The following ADAMTSL2 variants were observed in gnomAD, a reference collection of about 807,000 sequenced individuals.
ADAMTSL2 encodes ADAMTS-like protein 2.
Under a neutral mutation model 117.0 loss-of-function variants are expected in ADAMTSL2, and 55 were observed. That is an observed-to-expected ratio of 0.47 (90% CI 0.38 to 0.59). ADAMTSL2 has a LOEUF of 0.59. ADAMTSL2 is among the 20% of genes least tolerant of loss of function. ADAMTSL2 has a pLI of 0.00. For synonymous variants in ADAMTSL2, 572 were observed against 566.4 expected (o/e 1.01, Z -0.14); for missense variants, 1,182 against 1,354.5 (o/e 0.87, Z 2.00).
chr9:133,535,217 T>C (rs1434724798), intron 1 of ADAMTSL2, among the ~76,000 whole-genome samples: 4 of 152,038 alleles, frequency 2.6e-5, no homozygotes, highest in Non-Finnish European at 4.4e-5. Flanking sequence ...GCCAGTGGTG[T>C]CTGGAAGCCT....
intron 12 of ADAMTSL2, among the ~76,000 whole-genome samples, chr9:133,566,323 C>A (rs1305874962): frequency 6.6e-6 from 1 of 152,196 alleles, no homozygotes; most frequent in Admixed American, 6.5e-5. Flanking sequence ...TGCCTGTAAT[C>A]CCAGCTACTC....
Position 133,568,482 on chromosome 9 carries a change from C to A in ADAMTSL2, c.2084C>A (p.Ser695Tyr), listed in dbSNP as rs944305758. 30 of 1,602,186 alleles carry A rather than the reference C, an allele frequency of 1.9e-5. No individual in the cohort carries two copies. In the East Asian group the frequency reaches 6.3e-4, roughly 34 times the overall value. ...CGPQWEMSEW[S>Y]ECTAKCGERS... ...CCCCAGTGGGAGATGTCGGAGTGGT[C>A]CGAGGTGAGTGCCTGCGGGAGCAAG... is the stretch of plus-strand genomic sequence containing the variant. The change falls in exon 14 of 19, where the codon TCC becomes TAC. Residue 695 changes from serine to tyrosine, a missense_variant. Physicochemically the swap from Ser to Tyr is moderately radical, Grantham distance 144. This residue lies in a region of ADAMTSL2 where 465 missense variants were observed against 565.3 expected (regional missense o/e 0.82). Coordinates refer to ENST00000651351, the MANE Select transcript of ADAMTSL2 (RefSeq NM_014694.4).
chr9:133,547,090 C>T lies in ADAMTSL2; in HGVS notation c.816C>T (p.Asp272=), dbSNP rs927778380. Residue 272 remains aspartate (D), a synonymous_variant, in exon 9 of 19, where the codon GAC becomes GAT. Coordinates refer to ENST00000651351, the MANE Select transcript of ADAMTSL2 (RefSeq NM_014694.4). Reference sequence around the variant, plus strand: ...TCTTCAACGGCAACTACAAGGTGGACAGCCCCAAGAACTTCAACATCGCAG... The same window carrying T: ...TCTTCAACGGCAACTACAAGGTGGATAGCCCCAAGAACTTCAACATCGCAG... The part of the protein sequence containing the change: ...YYFFNGNYKV[D]SPKNFNIAGT... 5 of 1,613,770 alleles carry T rather than the reference C, an allele frequency of 3.1e-6. No homozygotes were observed. Among genetic ancestry groups the T allele is most frequent in the African/African-American group, 1.3e-5 (1 of 74,924 alleles).
chr9:133,556,015 G>T (rs1037692575), intron 11 of ADAMTSL2, 85 bp downstream of exon 11: 19 of 1,540,092 alleles, frequency 1.2e-5, no homozygotes, highest in African/African-American at 9.5e-5. Context: ...GGCCCCACTG[G>T]GGGGGTCTGG....
At chr9:133,539,688 A>AGCTGTCCCGGCTGTCCCGGCTGTCCCG in intron 4 of ADAMTSL2, 83 bp from the exon 5 acceptor site, 1 of 333,034 alleles carries the variant, frequency 3.0e-6, no homozygotes, top group Non-Finnish European at 4.5e-6. Flanking sequence ...TCCCGGCTGC[A>AGCTGTCCCGGCTGTCCCGGCTGTCCCG]GCCACTTCCT....
chr9:133,567,978 G>C (rs578183651), intron 13 of ADAMTSL2, among the ~76,000 whole-genome samples: 95 of 152,330 alleles, frequency 6.2e-4, no homozygotes, highest in Middle Eastern at 3.4e-3. Flanking sequence ...AATCCTGTGG[G>C]CGCACAGCCA....
chr9:133,544,765 G>T (rs1305225672), intron 8 of ADAMTSL2, among the ~76,000 whole-genome samples: 1 of 152,182 alleles, frequency 6.6e-6, no homozygotes, highest in Non-Finnish European at 1.5e-5. Context: ...TGCATGGCAG[G>T]ACCTTGAACT....
At chr9:133,535,991 T>C (rs2131086371) in intron 1 of ADAMTSL2, among the ~76,000 whole-genome samples, 1 of 152,316 alleles carries the variant, frequency 6.6e-6, no homozygotes, top group African/African-American at 2.4e-5. Context: ...GCTGACATGC[T>C]GGCACAAACT....
chr9:133,549,541 CTTTTTTTT>C (rs33971536), intron 9 of ADAMTSL2, among the ~76,000 whole-genome samples: 12 of 134,840 alleles, frequency 8.9e-5, no homozygotes, highest in Admixed American at 1.5e-4. Flanking sequence ...CTTTCCTACT[CTTTTTTTT>C]TTTTTTTTTT....
intron 8 of ADAMTSL2, among the ~76,000 whole-genome samples, 158 bp downstream of exon 8, chr9:133,544,708 G>C (rs1020188520): frequency 6.6e-6 from 1 of 152,188 alleles, no homozygotes; most frequent in African/African-American, 2.4e-5. Context: ...TGAGCCAGCT[G>C]TGTGGGTGTG....
At chr9:133,563,324 ATGGTGG>A (rs1830791663) in intron 12 of ADAMTSL2, among the ~76,000 whole-genome samples, 1 of 152,218 alleles carries the variant, frequency 6.6e-6, no homozygotes, top group Non-Finnish European at 1.5e-5. Flanking sequence ...GGAGCTGAGC[ATGGTGG>A]TGGGGTGTCA....
At chr9:133,535,415 G>A (rs1830028151) in intron 1 of ADAMTSL2, among the ~76,000 whole-genome samples, 1 of 152,032 alleles carries the variant, frequency 6.6e-6, no homozygotes, top group Non-Finnish European at 1.5e-5. Flanking sequence ...TCAGACTCAG[G>A]CTCCCCACTC....
chr9:133,539,978 T>C (rs916903074), intron 5 of ADAMTSL2, 105 bp downstream of exon 5: 4 of 1,089,596 alleles, frequency 3.7e-6, no homozygotes, highest in Non-Finnish European at 5.4e-6. Flanking sequence ...GGTGGGGAAA[T>C]GGAGGTGGTC....
chr9:133,543,926 T>C (rs1000029018), intron 7 of ADAMTSL2, among the ~76,000 whole-genome samples: 6 of 152,192 alleles, frequency 3.9e-5, no homozygotes, highest in African/African-American at 1.2e-4. Flanking sequence ...AGCTGGCTGA[T>C]ATTGCCCGAT....
At chr9:133,538,580 G>A (rs990917965) in intron 4 of ADAMTSL2, among the ~76,000 whole-genome samples, 156 bp downstream of exon 4, 1 of 152,234 alleles carries the variant, frequency 6.6e-6, no homozygotes, top group African/African-American at 2.4e-5. Flanking sequence ...AGGCTGCGGG[G>A]GGCCCTGGGC....
chr9:133,545,831 A>G (rs927665852), intron 8 of ADAMTSL2, among the ~76,000 whole-genome samples: 3 of 151,988 alleles, frequency 2.0e-5, no homozygotes, highest in Admixed American at 6.6e-5. Flanking sequence ...CTGTGCATAT[A>G]CCTGGAAACA....
chr9:133,571,572 T>C (rs1831107509), intron 17 of ADAMTSL2, among the ~76,000 whole-genome samples: 1 of 152,186 alleles, frequency 6.6e-6, no homozygotes, highest in Non-Finnish European at 1.5e-5. Context: ...AGCCTCGCCA[T>C]GTGCCAGTGG....
intron 17 of ADAMTSL2, among the ~76,000 whole-genome samples, chr9:133,572,276 C>G (rs1344253326): frequency 1.3e-5 from 2 of 151,956 alleles, no homozygotes; most frequent in African/African-American, 4.8e-5. Context: ...TGTTGCCCAC[C>G]AAAGGACCCC....
Position 133,540,708 on chromosome 9 carries a change from G to C in ADAMTSL2, c.523G>C (p.Asp175His). ...ARDGTSCKLT[D>H]LRGVCVSGKC... ...CGACGGCACATCCTGCAAGCTCACT[G>C]ACCTGCGAGGGGTTTGCGTGTCTGG... Residue 175 changes from aspartate (D) to histidine (H), a missense_variant, in exon 6 of 19, where the codon GAC (aspartate) becomes CAC (histidine). Asp to His is a moderately conservative substitution (Grantham distance 81). This residue lies in a region of ADAMTSL2 where 372 missense variants were observed against 463.4 expected (regional missense o/e 0.80). Transcript: ENST00000651351. The C allele has an allele frequency of 6.2e-7, 1 of 1,613,916 alleles. No homozygotes were observed. Among genetic ancestry groups the C allele is most frequent in the Non-Finnish European group, 8.5e-7 (1 of 1,180,042 alleles).
Sources: allele counts gnomAD v4.1 joint callset (sites outside exome capture counted in the v4.1 genomes callset), GRCh38; gene constraint gnomAD v4.1.1; regional missense constraint gnomAD v4.1.1; transcripts MANE v1.5; gene names NCBI Gene and HGNC (gene_info 2026-07-23, HGNC 2026-07-21).